ZFAND3: variants seen among roughly 807,000 people sequenced by gnomAD.
The protein encoded by ZFAND3 is zinc finger AN1-type containing 3.
In ZFAND3, 10 loss-of-function variants were observed where a neutral mutation model predicts 29.6. The ratio of observed to expected loss-of-function variants is 0.34; its 90% CI spans 0.21 to 0.57. ZFAND3 has a LOEUF of 0.57. Among genes scored for constraint, ZFAND3 ranks in the 20% least tolerant of loss-of-function variants. ZFAND3 has a pLI of 0.86. For missense variants in ZFAND3, 230 were observed against 304.5 expected, an observed-to-expected ratio of 0.76 and a Z score of 1.82; for synonymous variants, 128 against 112.6, an observed-to-expected ratio of 1.14 and a Z score of -0.87.
At position 38,152,935 on chromosome 6, in the gene ZFAND3, C is replaced by T; in HGVS notation, c.*546C>T. The T allele has an allele frequency of 1.0e-6, 1 of 985,888 alleles. No individual in the cohort carries two copies. Among genetic ancestry groups the T allele is most frequent in the Non-Finnish European group, 1.2e-6 (1 of 829,966 alleles). 61.1% of individuals were successfully genotyped at this position (985,888 alleles called of 1,614,324 possible). ...GGCTGGGCTGGGTGGTGGCCTCACT[C>T]TCCCACAGAGCTGGAAATGGGGGGT... On this transcript the variant is annotated 3_prime_UTR_variant, in exon 6 of 6. Transcript: ENST00000287218.
chr6:37,895,459 CTTTTTTTTTT>C (rs11331881), intron 1 of ZFAND3, among the ~76,000 whole-genome samples: 1 of 76,772 alleles, frequency 1.3e-5, no homozygotes, highest in Non-Finnish European at 2.4e-5. Flanking sequence ...CTCAGAGGTT[CTTTTTTTTTT>C]TTTTTTTTTT....
chr6:38,145,052 C>G (rs1483695337), intron 5 of ZFAND3, among the ~76,000 whole-genome samples: 2 of 152,206 alleles, frequency 1.3e-5, no homozygotes, highest in African/African-American at 4.8e-5. Context: ...AAATGCTGGC[C>G]TGTAGGGTCC....
chr6:37,821,891 T>C (rs1437066850), intron 1 of ZFAND3, among the ~76,000 whole-genome samples: 3 of 152,248 alleles, frequency 2.0e-5, no homozygotes, highest in Non-Finnish European at 4.4e-5. Flanking sequence ...TGGAGTGCAG[T>C]GGCGTGATCT....
intron 4 of ZFAND3, among the ~76,000 whole-genome samples, chr6:38,084,277 G>T (rs1764717559): frequency 6.6e-6 from 1 of 152,206 alleles, no homozygotes; most frequent in South Asian, 2.1e-4. Flanking sequence ...GAAAATGTGA[G>T]TTCTAAAATC....
intron 4 of ZFAND3, among the ~76,000 whole-genome samples, chr6:38,100,870 C>G (rs373576820): frequency 3.9e-5 from 6 of 152,182 alleles, no homozygotes; most frequent in African/African-American, 1.4e-4. Flanking sequence ...TTGTGTCTGT[C>G]TGTATACATG....
chr6:37,958,521 T>G (rs35051126), intron 2 of ZFAND3, among the ~76,000 whole-genome samples: 21 of 151,784 alleles, frequency 1.4e-4, no homozygotes, highest in African/African-American at 5.1e-4. Flanking sequence ...ATGAGATTTT[T>G]AAAAAATAAT....
chr6:38,048,087 C>G, intron 2 of ZFAND3, among the ~76,000 whole-genome samples: 1 of 151,896 alleles, frequency 6.6e-6, no homozygotes, highest in African/African-American at 2.4e-5. Context: ...TCATTGCAGC[C>G]TCACCCTCCC....
At chr6:37,915,894 C>A (rs1218212706) in intron 1 of ZFAND3, among the ~76,000 whole-genome samples, 1 of 152,132 alleles carries the variant, frequency 6.6e-6, no homozygotes, top group Non-Finnish European at 1.5e-5. Context: ...CTCAGGCTCC[C>A]AAGTAGCTGG....
chr6:37,987,190 G>T (rs370571622), intron 2 of ZFAND3, among the ~76,000 whole-genome samples: 1 of 152,168 alleles, frequency 6.6e-6, no homozygotes, highest in Admixed American at 6.5e-5. Flanking sequence ...GAAGTGAGTG[G>T]CCAGTGGAAC....
chr6:38,042,588 G>A (rs796186318), intron 2 of ZFAND3, among the ~76,000 whole-genome samples: 6 of 152,126 alleles, frequency 3.9e-5, no homozygotes, highest in African/African-American at 9.6e-5. Flanking sequence ...TGCTGGGATC[G>A]CAAACTTGGA....
intron 1 of ZFAND3, among the ~76,000 whole-genome samples, chr6:37,825,513 G>A (rs1763742790): frequency 2.0e-5 from 3 of 151,956 alleles, no homozygotes; most frequent in Admixed American, 2.0e-4. Flanking sequence ...TGGAACACAG[G>A]GAAATAATTT....
chr6:38,141,664 G>A (rs1228276680), intron 5 of ZFAND3, among the ~76,000 whole-genome samples: 1 of 152,140 alleles, frequency 6.6e-6, no homozygotes, highest in East Asian at 1.9e-4. Context: ...TTCCACATTC[G>A]TTCTCTTTTG....
At chr6:37,990,572 T>G (rs960546429) in intron 2 of ZFAND3, among the ~76,000 whole-genome samples, 1 of 152,150 alleles carries the variant, frequency 6.6e-6, no homozygotes, top group African/African-American at 2.4e-5. Context: ...ATTTTAAAAC[T>G]TCTAGTAGCC....
intron 4 of ZFAND3, among the ~76,000 whole-genome samples, chr6:38,113,092 G>GT (rs1765351350): frequency 6.6e-6 from 1 of 152,194 alleles, no homozygotes; most frequent in Non-Finnish European, 1.5e-5. Context: ...CTAGGGAAGG[G>GT]TAAGTGGGCA....
chr6:38,079,087 T>C (rs1010490787), intron 3 of ZFAND3, among the ~76,000 whole-genome samples: 1 of 152,212 alleles, frequency 6.6e-6, no homozygotes, highest in African/African-American at 2.4e-5. Flanking sequence ...TGGAACTACC[T>C]GTAATTGTGT....
intron 2 of ZFAND3, among the ~76,000 whole-genome samples, chr6:37,970,454 CTAAG>C (rs952972510): frequency 6.6e-6 from 1 of 152,112 alleles, no homozygotes; most frequent in Non-Finnish European, 1.5e-5. Context: ...ATTCTAGGGA[CTAAG>C]TATTGACAGA....
chr6:38,133,666 C>T (rs926092113), intron 5 of ZFAND3, among the ~76,000 whole-genome samples: 7 of 151,658 alleles, frequency 4.6e-5, no homozygotes, highest in East Asian at 1.9e-4. Flanking sequence ...AGGAGAATGG[C>T]GTGAACCCGG....
chr6:38,064,355 G>A (rs1173753740), intron 3 of ZFAND3, among the ~76,000 whole-genome samples: 2 of 152,104 alleles, frequency 1.3e-5, no homozygotes, highest in African/African-American at 2.4e-5. Flanking sequence ...ATTGTTTTTC[G>A]TGATAACCCA....
chr6:37,886,151 T>C (rs1233869224), intron 1 of ZFAND3, among the ~76,000 whole-genome samples: 1 of 146,916 alleles, frequency 6.8e-6, no homozygotes, highest in Non-Finnish European at 1.5e-5. Flanking sequence ...GGCAGGAGAA[T>C]TGCTTGAACC....
Sources: allele counts gnomAD v4.1 joint callset (sites outside exome capture counted in the v4.1 genomes callset), GRCh38; gene constraint gnomAD v4.1.1; transcripts MANE v1.5; gene names NCBI Gene and HGNC (gene_info 2026-07-23, HGNC 2026-07-21).